Variants in CPNE4 observed in about 807,000 individuals in gnomAD.
CPNE4 encodes copine 4, also known as copine-4.
In CPNE4, 25 loss-of-function variants were observed where a neutral mutation model predicts 67.9. The ratio of observed to expected loss-of-function variants is 0.37; its 90% confidence interval spans 0.27 to 0.51. The LOEUF (loss-of-function observed/expected upper bound fraction) is 0.51. Ranked by LOEUF, CPNE4 falls within the 20% of genes least tolerant of loss-of-function variation. The pLI, the probability that CPNE4 is intolerant of heterozygous loss-of-function variation, is 0.93. For synonymous variants in CPNE4, 242 were observed against 244.9 expected (o/e 0.99, Z 0.11); for missense variants, 464 against 690.8 (o/e 0.67, Z 3.68).
Position 132,033,534 on chromosome 3 carries a change from C to A in CPNE4, c.-2+1033G>T, listed in dbSNP as rs72996853. On this transcript the variant is annotated intron_variant, in intron 1 of 15. Transcript: ENST00000429747. ...TGCTCACCTTTCCCCCCTCCACTTC[C>A]CAACCACCCACATCAAGCCCTTCAT... 5.7e-3 allele frequency among the ~76,000 whole-genome samples: 873 copies of A among 152,242 alleles called. 2 individuals are homozygous for A. Among genetic ancestry groups the A allele is most frequent in the African/African-American group, 0.02 (837 of 41,532 alleles).
At chr3:131,587,456 GC>G in intron 8 of CPNE4, 27 bp downstream of exon 8, 1 of 1,549,818 alleles carries the variant, frequency 6.5e-7, no homozygotes, top group Non-Finnish European at 8.9e-7. Flanking sequence ...CCGACTGGAG[GC>G]AAAACCAAAA....
chr3:131,798,678 C>T (rs968582469), intron 2 of CPNE4, among the ~76,000 whole-genome samples: 11 of 152,082 alleles, frequency 7.2e-5, no homozygotes, highest in Non-Finnish European at 7.4e-5. Flanking sequence ...GGAAGTGTTT[C>T]AACCTTCCAA....
intron 7 of CPNE4, among the ~76,000 whole-genome samples, chr3:131,663,314 G>T (rs895578008): frequency 1.3e-5 from 2 of 151,910 alleles, no homozygotes; most frequent in African/African-American, 4.8e-5. Context: ...CCTGTCAGGG[G>T]GTGGGAGGCA....
chr3:131,953,243 A>AAAT (rs1444336128), intron 1 of CPNE4, among the ~76,000 whole-genome samples: 6 of 142,832 alleles, frequency 4.2e-5, no homozygotes, highest in African/African-American at 1.5e-4. Context: ...ATCAATTAAA[A>AAAT]AAAAAAAAAA....
chr3:131,658,778 ATCT>A (rs1403379232), intron 7 of CPNE4, among the ~76,000 whole-genome samples: 2 of 152,196 alleles, frequency 1.3e-5, no homozygotes, highest in East Asian at 3.8e-4. Context: ...ATGAAAGCTG[ATCT>A]TCTTCCTAAG....
chr3:131,978,716 T>C (rs539391595), intron 1 of CPNE4, among the ~76,000 whole-genome samples: 2 of 149,638 alleles, frequency 1.3e-5, no homozygotes, highest in South Asian at 4.2e-4. Context: ...TCTTGGTTAT[T>C]TTCTTTCTTC....
chr3:131,817,444 A>G (rs1216469976), intron 2 of CPNE4, among the ~76,000 whole-genome samples: 1 of 152,214 alleles, frequency 6.6e-6, no homozygotes, highest in African/African-American at 2.4e-5. Flanking sequence ...AATGCAGTAA[A>G]TGAGGGGTGA....
At chr3:131,832,123 A>G (rs1369831605) in intron 2 of CPNE4, among the ~76,000 whole-genome samples, 2 of 152,292 alleles carry the variant, frequency 1.3e-5, no homozygotes, top group East Asian at 1.9e-4. Flanking sequence ...TGTAATTGAC[A>G]TTAATATTAA....
At chr3:131,955,410 G>GTTTTTTTTTTTTGTTTTTTTT (rs2071920914) in intron 1 of CPNE4, among the ~76,000 whole-genome samples, 1 of 42,270 alleles carries the variant, frequency 2.4e-5, no homozygotes, top group South Asian at 9.8e-4. Context: ...TGTATGTAAG[G>GTTTTTTTTTTTTGTTTTTTTT]TTTTTTTTTT....
chr3:131,998,471 C>T (rs970122495), intron 1 of CPNE4, among the ~76,000 whole-genome samples: 2 of 152,286 alleles, frequency 1.3e-5, no homozygotes, highest in Admixed American at 1.3e-4. Flanking sequence ...CTAGCAATTT[C>T]TCTCTGAACA....
At chr3:131,546,559 G>C (rs1458306249) in intron 14 of CPNE4, among the ~76,000 whole-genome samples, 2 of 152,180 alleles carry the variant, frequency 1.3e-5, no homozygotes, top group Non-Finnish European at 2.9e-5. Flanking sequence ...AAAAGCTTAT[G>C]TTCTTGGTCT....
chr3:131,594,684 A>G (rs1331103280), intron 7 of CPNE4, among the ~76,000 whole-genome samples: 1 of 152,230 alleles, frequency 6.6e-6, no homozygotes, highest in East Asian at 1.9e-4. Flanking sequence ...TAATAAAAGC[A>G]AAAATAGATA....
At chr3:131,899,583 C>A (rs1482894776) in intron 2 of CPNE4, among the ~76,000 whole-genome samples, 1 of 152,024 alleles carries the variant, frequency 6.6e-6, no homozygotes, top group Non-Finnish European at 1.5e-5. Flanking sequence ...AATTGTATGA[C>A]CCTGGGCGAT....
intron 2 of CPNE4, among the ~76,000 whole-genome samples, chr3:131,727,332 A>T (rs978875180): frequency 5.3e-5 from 8 of 152,076 alleles, no homozygotes; most frequent in Admixed American, 1.3e-4. Flanking sequence ...CAGTGGCTCA[A>T]GCCTGTAATC....
intron 1 of CPNE4, among the ~76,000 whole-genome samples, chr3:131,951,895 T>C (rs1225010): frequency 0.74 from 111,381 of 150,532 alleles, 41,366 homozygotes; most frequent in Admixed American, 0.82. Context: ...AGTGCAGTGG[T>C]GTGATCTCGG....
At chr3:131,818,160 T>G (rs567028036) in intron 2 of CPNE4, among the ~76,000 whole-genome samples, 1 of 152,342 alleles carries the variant, frequency 6.6e-6, no homozygotes. Flanking sequence ...TGGTTTTTTT[T>G]GGGAAAACAC....
rs896596103 is a variant in CPNE4 at position 131,816,644 on chromosome 3, A to G, written c.180+88620T>C. Among the ~76,000 whole-genome samples the G allele has an allele frequency of 4.6e-5, 7 of 152,348 alleles. No homozygotes were observed. The East Asian group carries it at 1.3e-3, about 29-fold the overall frequency. ...ATTTCTAACAGTAACTACAAGTAAGAGAAGAGCCAACAAGGACAAAGCAAA... is the reference window on the plus strand; with the variant it reads ...ATTTCTAACAGTAACTACAAGTAAGGGAAGAGCCAACAAGGACAAAGCAAA... On this transcript the variant is annotated intron_variant, in intron 2 of 15. Coordinates refer to ENST00000429747, the MANE Select transcript of CPNE4 (RefSeq NM_130808.3).
At chr3:131,689,366 G>A (rs558855479) in intron 5 of CPNE4, among the ~76,000 whole-genome samples, 5 of 152,192 alleles carry the variant, frequency 3.3e-5, no homozygotes, top group Admixed American at 3.3e-4. Flanking sequence ...AAATCCAGTG[G>A]CACAACAAAA....
intron 3 of CPNE4, 67 bp from the exon 4 acceptor site, chr3:131,700,047 T>C: frequency 1.0e-6 from 1 of 989,754 alleles, no homozygotes; most frequent in Non-Finnish European, 1.5e-6. Flanking sequence ...AGATCTATTT[T>C]TTAAACCTTT....
Sources: gnomAD v4.1 joint callset for allele counts (sites outside exome capture counted in the v4.1 genomes callset) on GRCh38, gnomAD v4.1.1 for gene constraint, MANE v1.5 for transcripts, NCBI Gene and HGNC (gene_info 2026-07-23, HGNC 2026-07-21) for gene names.